FAM135B: variants seen among roughly 807,000 people sequenced by gnomAD.
The protein encoded by FAM135B is protein FAM135B.
FAM135B carries 43 observed loss-of-function variants against 127.7 expected under a neutral mutation model. The observed-to-expected ratio is 0.34, with a 90% CI of 0.26 to 0.43. The LOEUF is 0.43. FAM135B is among the 20% of genes least tolerant of loss of function. The pLI is 1.00. For missense variants in FAM135B, 1,558 were observed against 1,725.6 expected, an observed-to-expected ratio of 0.90 and a Z score of 1.72; for synonymous variants, 670 against 665.1, an observed-to-expected ratio of 1.01 and a Z score of -0.11.
At chr8:138,386,374 G>A (rs895548107) in intron 1 of FAM135B, among the ~76,000 whole-genome samples, 1 of 152,124 alleles carries the variant, frequency 6.6e-6, no homozygotes, top group African/African-American at 2.4e-5. Flanking sequence ...AAGCCACCAG[G>A]TAATAAAACT....
rs2130395357 is a variant in FAM135B at position 138,243,406 on chromosome 8, T to C, written c.543-338A>G. ...GGGAAGGTGGCATGGGCTCCGAAAA[T>C]TTCAGGGGCAACTCTGACCAGACAA... On this transcript the variant is annotated intron_variant, in intron 6 of 19. Transcript: ENST00000395297. The surrounding 1 kb of genome is among the most constrained non-coding windows in gnomAD (Gnocchi z 7.5). Among the ~76,000 whole-genome samples the C allele has an allele frequency of 6.6e-6, 1 of 152,048 alleles. No individual in the cohort carries two copies. The highest frequency in any genetic ancestry group is 1.5e-5 in the Non-Finnish European group (1 of 68,016).
intron 1 of FAM135B, among the ~76,000 whole-genome samples, chr8:138,463,276 AATT>A (rs1221561330): frequency 6.6e-6 from 1 of 152,226 alleles, no homozygotes; most frequent in Non-Finnish European, 1.5e-5. Flanking sequence ...AGTAGCAAAT[AATT>A]ATAATTCAAA....
chr8:138,472,427 C>A (rs1204953064), intron 1 of FAM135B, among the ~76,000 whole-genome samples: 1 of 152,016 alleles, frequency 6.6e-6, no homozygotes, highest in Admixed American at 6.6e-5. Flanking sequence ...AAGTGGTATG[C>A]AGGAGTACAG....
At chr8:138,173,627 T>A (rs1202277986) in intron 11 of FAM135B, among the ~76,000 whole-genome samples, 1 of 152,228 alleles carries the variant, frequency 6.6e-6, no homozygotes, top group Non-Finnish European at 1.5e-5. Flanking sequence ...CTAAGCACCA[T>A]GAATAAATGC....
At chr8:138,309,604 ATT>A (rs1826510989) in intron 3 of FAM135B, among the ~76,000 whole-genome samples, 1 of 152,246 alleles carries the variant, frequency 6.6e-6, no homozygotes, top group East Asian at 1.9e-4. Context: ...TCCATGGTAA[ATT>A]TAAGCAGACC....
intron 2 of FAM135B, among the ~76,000 whole-genome samples, chr8:138,342,936 T>G (rs1829155738): frequency 6.6e-6 from 1 of 152,252 alleles, no homozygotes; most frequent in African/African-American, 2.4e-5. Flanking sequence ...CCCAGCTGTA[T>G]GCTAGGTATA....
intron 18 of FAM135B, among the ~76,000 whole-genome samples, 193 bp downstream of exon 18, chr8:138,138,793 T>G (rs1816876794): frequency 6.6e-6 from 1 of 152,256 alleles, no homozygotes; most frequent in Admixed American, 6.5e-5. Context: ...ACGTGCCATA[T>G]GGGCAATGGG....
rs1820865412 is a variant in FAM135B, at chr8:138,242,269, G to A, written c.669+673C>T. Among the ~76,000 whole-genome samples, 1 of 142,642 alleles carries A rather than the reference G, an allele frequency of 7.0e-6. No individual in the cohort carries two copies. The highest frequency in any genetic ancestry group is 1.5e-5 in the Non-Finnish European group (1 of 66,034). The allele number at this position is 142,642 out of a possible 152,430, so 93.6% of individuals were successfully genotyped here. A position where few individuals can be genotyped will look rare whatever the true frequency, so the allele number is the denominator to read the frequency against. On this transcript the variant is annotated intron_variant, in intron 7 of 19. Transcript: ENST00000395297. The surrounding 1 kb of genome is among the most constrained non-coding windows in gnomAD (Gnocchi z 9.6). The stretch of plus-strand genomic sequence containing the variant: ...CTCTGGAGAACCCTGAATAATACAG[G>A]CTGTTTATTTATGAGTAGGCCACTA...
intron 1 of FAM135B, among the ~76,000 whole-genome samples, chr8:138,386,972 G>C (rs535673474): frequency 6.6e-6 from 1 of 152,176 alleles, no homozygotes; most frequent in African/African-American, 2.4e-5. Context: ...GATCATACAG[G>C]GGCCCAATCA....
rs2130777065 is a variant in FAM135B at position 138,152,652 on chromosome 8, T to C, written c.1823A>G (p.Asp608Gly). Residue 608 changes from aspartate (D) to glycine (G), a missense_variant, in exon 13 of 20, where the codon GAC becomes GGC. Physicochemically the swap from Asp to Gly is moderately conservative, Grantham distance 94 (BLOSUM62 -1). Around this residue, in one of 5 missense-constraint regions of FAM135B, gnomAD observed 923 missense variants for 865.3 expected, o/e 1.07. Coordinates refer to ENST00000395297, the MANE Select transcript of FAM135B (RefSeq NM_015912.4). Reference sequence around the variant, plus strand: ...ACTTAATTCATGGAGAGTTGTTTTGTCTGAAGAGATGGCATTTTGGTGGCT... The same window carrying C: ...ACTTAATTCATGGAGAGTTGTTTTGCCTGAAGAGATGGCATTTTGGTGGCT... ...GGSHQNAISS[D>G]KTTLHELSTL... is the part of the protein sequence containing the mutation. 6.2e-7 allele frequency: 1 copy of C among 1,614,196 alleles called. No homozygotes were observed. Among genetic ancestry groups the C allele is most frequent in the Non-Finnish European group, 8.5e-7 (1 of 1,180,042 alleles).
chr8:138,426,257 A>C (rs1834885294), intron 1 of FAM135B, among the ~76,000 whole-genome samples: 1 of 151,160 alleles, frequency 6.6e-6, no homozygotes, highest in Admixed American at 6.6e-5. Context: ...TAAGCACAAA[A>C]TAACATCATA....
chr8:138,278,028 C>A (rs1823966786), intron 3 of FAM135B, among the ~76,000 whole-genome samples: 1 of 152,012 alleles, frequency 6.6e-6, no homozygotes, highest in African/African-American at 2.4e-5. Context: ...CAGGTATATG[C>A]CCCTTGTGCT....
intron 1 of FAM135B, among the ~76,000 whole-genome samples, chr8:138,488,729 CA>C (rs760117585): frequency 3.9e-5 from 6 of 152,136 alleles, no homozygotes; most frequent in Non-Finnish European, 8.8e-5. Context: ...TGCAGTGGTG[CA>C]ATCTCGGCTC....
chr8:138,235,734 G>A (rs10113844), intron 7 of FAM135B, among the ~76,000 whole-genome samples: 28,087 of 152,098 alleles, frequency 0.18, 2,880 homozygotes, highest in Non-Finnish European at 0.23. Context: ...TCGGCATGGT[G>A]GGAGCCTTAT....
At chr8:138,247,823 AT>A (rs1821403746) in intron 6 of FAM135B, among the ~76,000 whole-genome samples, 1 of 152,180 alleles carries the variant, frequency 6.6e-6, no homozygotes, top group Non-Finnish European at 1.5e-5. Context: ...CAAATTCTCA[AT>A]TCCTTAATGT....
intron 3 of FAM135B, among the ~76,000 whole-genome samples, chr8:138,288,422 C>A (rs374380239): frequency 1.3e-5 from 2 of 152,052 alleles, no homozygotes; most frequent in African/African-American, 4.8e-5. Context: ...GTGTGCAGGG[C>A]AAGGTTTCAG....
intron 1 of FAM135B, among the ~76,000 whole-genome samples, chr8:138,428,766 T>C (rs1294045019): frequency 6.6e-6 from 1 of 152,206 alleles, no homozygotes; most frequent in Non-Finnish European, 1.5e-5. Flanking sequence ...GAGGTCCCAC[T>C]TTCCTTTTAA....
At chr8:138,255,999 G>A (rs1822063058) in intron 5 of FAM135B, among the ~76,000 whole-genome samples, 1 of 152,190 alleles carries the variant, frequency 6.6e-6, no homozygotes, top group Non-Finnish European at 1.5e-5. Context: ...GGATCTGGAG[G>A]TGAGGTAGAG....
At chr8:138,387,730 T>C (rs1232350648) in intron 1 of FAM135B, among the ~76,000 whole-genome samples, 1 of 152,104 alleles carries the variant, frequency 6.6e-6, no homozygotes, top group Non-Finnish European at 1.5e-5. Flanking sequence ...ATGGGTGGCA[T>C]GGTATACCCA....
Sources: gnomAD v4.1 joint callset for allele counts (sites outside exome capture counted in the v4.1 genomes callset) on GRCh38, gnomAD v4.1.1 for gene constraint, gnomAD v4.1.1 regional missense constraint, Gnocchi (gnomAD v3.1) non-coding constraint, MANE v1.5 for transcripts, NCBI Gene and HGNC (gene_info 2026-07-23, HGNC 2026-07-21) for gene names.